The following CACNA1C variants were observed in gnomAD, a reference collection of about 807,000 sequenced individuals.
The protein encoded by CACNA1C is voltage-dependent L-type calcium channel subunit alpha-1C.
A neutral mutation model predicts 229.0 loss-of-function variants in CACNA1C; 30 were observed. That is an observed-to-expected ratio of 0.13 (90% CI 0.10 to 0.18). The LOEUF is 0.18. Among genes scored for constraint, CACNA1C ranks in the 10% least tolerant of loss-of-function variants. The probability of loss-of-function intolerance (pLI) is 1.00; values close to 1 mark genes in which losing one functional copy is unlikely to be tolerated. For synonymous variants in CACNA1C, 1,114 were observed against 1,132.5 expected (o/e 0.98, Z 0.33); for missense variants, 1,658 against 2,845.0 (o/e 0.58, Z 9.49).
At chr12:2,420,102 G>GGTGTGCGTGTGTGT (rs2098960916) in intron 3 of CACNA1C, among the ~76,000 whole-genome samples, 3 of 125,430 alleles carry the variant, frequency 2.4e-5, no homozygotes, top group Admixed American at 2.3e-4. Context: ...TAGGCAAAAT[G>GGTGTGCGTGTGTGT]GTGTGTGTGT....
intron 9 of CACNA1C, among the ~76,000 whole-genome samples, chr12:2,549,043 T>G (rs922124306): frequency 6.6e-6 from 1 of 152,148 alleles, no homozygotes; most frequent in East Asian, 1.9e-4. Flanking sequence ...AGTTAAACTT[T>G]TATTTAGAAG....
At chr12:2,377,094 T>G (rs1266550451) in intron 3 of CACNA1C, among the ~76,000 whole-genome samples, 1 of 151,832 alleles carries the variant, frequency 6.6e-6, no homozygotes. Flanking sequence ...GCTGGCGTGG[T>G]ATTTGAGGAG....
At chr12:2,055,613 C>T (rs1245201258) in intron 1 of CACNA1C, among the ~76,000 whole-genome samples, 2 of 152,168 alleles carry the variant, frequency 1.3e-5, no homozygotes, top group African/African-American at 4.8e-5. Flanking sequence ...AGAGAGGTTC[C>T]TGAGAAAGGT....
At chr12:2,297,706 A>G (rs1229600624) in intron 3 of CACNA1C, among the ~76,000 whole-genome samples, 2 of 152,218 alleles carry the variant, frequency 1.3e-5, no homozygotes, top group African/African-American at 4.8e-5. Context: ...TAGTCTAAGT[A>G]TCTACAGATA....
chr12:2,515,069 C>T (rs1211803892), intron 9 of CACNA1C, among the ~76,000 whole-genome samples: 11 of 152,216 alleles, frequency 7.2e-5, no homozygotes, highest in East Asian at 1.9e-4. Flanking sequence ...TGCTTCCTTA[C>T]GGCTGGAGGA....
At chr12:2,391,083 C>T (rs1354741294) in intron 3 of CACNA1C, among the ~76,000 whole-genome samples, 3 of 152,124 alleles carry the variant, frequency 2.0e-5, no homozygotes, top group Non-Finnish European at 4.4e-5. Context: ...CAGTGACTGA[C>T]GTGGAAGGTG....
At chr12:2,380,311 T>C (rs954620001) in intron 3 of CACNA1C, among the ~76,000 whole-genome samples, 10 of 152,226 alleles carry the variant, frequency 6.6e-5, no homozygotes, top group African/African-American at 2.2e-4. Flanking sequence ...GGACTTGGCT[T>C]TGCAAGCTTT....
At chr12:2,052,795 C>T (rs1407732611), upstream of CACNA1C, among the ~76,000 whole-genome samples, 2 of 145,324 alleles carry the variant, frequency 1.4e-5, no homozygotes, top group Admixed American at 6.8e-5. Flanking sequence ...CGACTTCGGG[C>T]TCCAGTCCGC....
Position 2,497,556 on chromosome 12 carries a change from C to G in CACNA1C, c.1113+4170C>G, listed in dbSNP as rs185193064. Among the ~76,000 whole-genome samples, 183 of 152,190 alleles carry G rather than the reference C, an allele frequency of 1.2e-3. 1 individual carries two copies. Among genetic ancestry groups the G allele is most frequent in the African/African-American group, 4.2e-3 (176 of 41,530 alleles). On this transcript the variant is annotated intron_variant, in intron 7 of 46. Coordinates refer to ENST00000399655, the MANE Select transcript of CACNA1C (RefSeq NM_000719.7). ...CCACCCCATGCCCTTCTGGGATCCC[C>G]AAGAATGTTGCACACTGTGAACCAC...
intron 1 of CACNA1C, among the ~76,000 whole-genome samples, chr12:2,046,910 T>C (rs769595276): frequency 6.6e-6 from 1 of 152,156 alleles, no homozygotes; most frequent in African/African-American, 2.4e-5. Flanking sequence ...CAGAGGTTTT[T>C]AAATACTAAC....
At chr12:2,006,748 G>A (rs2043536474) in intron 1 of CACNA1C, among the ~76,000 whole-genome samples, 1 of 152,200 alleles carries the variant, frequency 6.6e-6, no homozygotes, top group African/African-American at 2.4e-5. Context: ...TACAGCAATG[G>A]CTTTCAAACA....
At chr12:2,555,746 C>T (rs971292373) in intron 10 of CACNA1C, among the ~76,000 whole-genome samples, 13 of 152,314 alleles carry the variant, frequency 8.5e-5, no homozygotes, top group African/African-American at 3.1e-4. Flanking sequence ...TCGCAGTGCC[C>T]CAGAGATGTA....
chr12:2,561,207 C>G (rs2047305301), intron 11 of CACNA1C, among the ~76,000 whole-genome samples: 1 of 152,212 alleles, frequency 6.6e-6, no homozygotes, highest in African/African-American at 2.4e-5. Flanking sequence ...GTCTTGTGAG[C>G]TCCGCGGAGA....
intron 30 of CACNA1C, among the ~76,000 whole-genome samples, chr12:2,635,755 T>A (rs1045977508): frequency 1.6e-4 from 24 of 152,212 alleles, no homozygotes; most frequent in Admixed American, 2.6e-4. Context: ...CCATGGCCCC[T>A]CTGTCTCCCT....
chr12:2,213,125 A>G (rs2097979898), intron 3 of CACNA1C, among the ~76,000 whole-genome samples: 3 of 152,038 alleles, frequency 2.0e-5, no homozygotes, highest in Admixed American at 2.0e-4. Context: ...TCCAGGAGAA[A>G]AGTCAGTCAG....
At chr12:2,552,937 G>A (rs1272568968) in intron 10 of CACNA1C, among the ~76,000 whole-genome samples, 3 of 152,178 alleles carry the variant, frequency 2.0e-5, no homozygotes, top group African/African-American at 4.8e-5. Flanking sequence ...AAGAAGTCAC[G>A]GAGCAGGAAG....
At chr12:2,517,340 A>C (rs930104313) in intron 9 of CACNA1C, among the ~76,000 whole-genome samples, 9 of 152,234 alleles carry the variant, frequency 5.9e-5, no homozygotes, top group African/African-American at 1.9e-4. Context: ...GGAGACTCAC[A>C]CAGACTCTAG....
intron 1 of CACNA1C, among the ~76,000 whole-genome samples, chr12:2,096,850 C>G (rs2074224946): frequency 6.6e-6 from 1 of 152,238 alleles, no homozygotes; most frequent in African/African-American, 2.4e-5. Context: ...GTGTGTATGG[C>G]TTACTTCACT....
intron 3 of CACNA1C, among the ~76,000 whole-genome samples, chr12:2,333,132 A>G (rs2096596753): frequency 6.6e-6 from 1 of 152,228 alleles, no homozygotes; most frequent in South Asian, 2.1e-4. Context: ...TCATGGTGAC[A>G]ACGTGGAGTG....
Sources: gnomAD v4.1 joint callset for allele counts (sites outside exome capture counted in the v4.1 genomes callset) on GRCh38, gnomAD v4.1.1 for gene constraint, MANE v1.5 for transcripts, NCBI Gene and HGNC (gene_info 2026-07-23, HGNC 2026-07-21) for gene names.